SEM1: variants seen among roughly 807,000 people sequenced by gnomAD.
SEM1 encodes the protein SEM1 26S proteasome subunit.
Under a neutral mutation model 12.7 loss-of-function variants are expected in SEM1, and 3 were observed. The observed-to-expected ratio is 0.24, with a 90% confidence interval of 0.11 to 0.61. SEM1 has a LOEUF of 0.61. SEM1 is among the 20% of genes least tolerant of loss of function. The pLI, the probability that SEM1 is intolerant of heterozygous loss-of-function variation, is 0.88. For synonymous variants in SEM1, 30 were observed against 27.8 expected (o/e 1.08, Z -0.25); for missense variants, 59 against 81.3 (o/e 0.73, Z 1.06).
intron 2 of SEM1, among the ~76,000 whole-genome samples, chr7:96,680,692 AG>A (rs1249434663): frequency 6.6e-6 from 1 of 152,134 alleles, no homozygotes; most frequent in African/African-American, 2.4e-5. Context: ...ACAGCTAAAG[AG>A]GAATCAGAAT....
At chr7:96,651,892 C>T (rs1271846525) in intron 2 of SEM1, among the ~76,000 whole-genome samples, 1 of 152,082 alleles carries the variant, frequency 6.6e-6, no homozygotes, top group African/African-American at 2.4e-5. Context: ...TTTTAAGATG[C>T]AAAAACATGG....
intron 2 of SEM1, among the ~76,000 whole-genome samples, chr7:96,657,771 C>T (rs1809226148): frequency 6.6e-6 from 1 of 152,184 alleles, no homozygotes; most frequent in African/African-American, 2.4e-5. Context: ...GTGTGTCTTG[C>T]TAATTGGGGT....
intron 2 of SEM1, among the ~76,000 whole-genome samples, chr7:96,574,210 T>A (rs1412887645): frequency 2.0e-5 from 3 of 152,262 alleles, no homozygotes; most frequent in South Asian, 4.1e-4. Context: ...CTTGTGATAG[T>A]TTGCTGAGAA....
chr7:96,638,747 G>T (rs774925339), intron 2 of SEM1, among the ~76,000 whole-genome samples: 4 of 151,752 alleles, frequency 2.6e-5, no homozygotes, highest in Non-Finnish European at 5.9e-5. Flanking sequence ...TTCAGGAGTG[G>T]ATTCTGAATG....
At chr7:96,573,195 T>C (rs1483006498) in intron 2 of SEM1, among the ~76,000 whole-genome samples, 2 of 152,040 alleles carry the variant, frequency 1.3e-5, no homozygotes, top group African/African-American at 4.8e-5. Flanking sequence ...GCACATGACA[T>C]GTGTCTCCTG....
chr7:96,581,193 A>G (rs1475600169), intron 2 of SEM1, among the ~76,000 whole-genome samples: 5 of 152,222 alleles, frequency 3.3e-5, no homozygotes, highest in African/African-American at 9.6e-5. Flanking sequence ...ACATACAGCT[A>G]GCCAGTTTTC....
At chr7:96,588,137 G>A (rs116780424) in intron 2 of SEM1, among the ~76,000 whole-genome samples, 6,304 of 152,178 alleles carry the variant, frequency 0.041, 340 homozygotes, top group Admixed American at 0.14. Flanking sequence ...TGGAGGCCGA[G>A]GTGGAAGGAT....
At chr7:96,645,723 C>A (rs1337031552) in intron 2 of SEM1, 4 of 397,882 alleles carry the variant, frequency 1.0e-5, no homozygotes, top group African/African-American at 2.1e-5. Context: ...AGAGGGAGTA[C>A]CTTCTCAGCT....
At chr7:96,607,381 C>G (rs904072929) in intron 2 of SEM1, among the ~76,000 whole-genome samples, 1 of 152,056 alleles carries the variant, frequency 6.6e-6, no homozygotes, top group Admixed American at 6.6e-5. Flanking sequence ...GAACCACTTT[C>G]CTGTGTTTTA....
At chr7:96,499,480 G>A (rs562860847), upstream of SEM1, among the ~76,000 whole-genome samples, 2 of 152,258 alleles carry the variant, frequency 1.3e-5, no homozygotes, top group South Asian at 2.1e-4. Flanking sequence ...GACTCACAGC[G>A]GGCAGGAGGG....
intron 2 of SEM1, among the ~76,000 whole-genome samples, chr7:96,597,334 TATATGGA>T (rs1807032250): frequency 6.6e-6 from 1 of 152,134 alleles, no homozygotes; most frequent in Non-Finnish European, 1.5e-5. Context: ...TAAAGAGATT[TATATGGA>T]ACTTGGAAGA....
chr7:96,567,288 T>C (rs1396678865), intron 2 of SEM1, among the ~76,000 whole-genome samples: 1 of 151,526 alleles, frequency 6.6e-6, no homozygotes, highest in Non-Finnish European at 1.5e-5. Flanking sequence ...ATTTCTTAAA[T>C]TTACTCGTAT....
At chr7:96,579,943 C>A (rs753246310) in intron 2 of SEM1, among the ~76,000 whole-genome samples, 2 of 84,842 alleles carry the variant, frequency 2.4e-5, no homozygotes, top group Non-Finnish European at 5.7e-5. Flanking sequence ...AAACCTATTT[C>A]CTCACCTTTC....
exon 4 of SEM1, chr7:96,481,810 C>G (rs945836324): frequency 2.6e-5 from 4 of 151,766 alleles, no homozygotes; most frequent in African/African-American, 9.7e-5. Flanking sequence ...ACCTAGTTAC[C>G]AATATAAAGA....
chr7:96,587,368 TCTTC>T (rs1554420811), intron 2 of SEM1, among the ~76,000 whole-genome samples: 3 of 152,254 alleles, frequency 2.0e-5, no homozygotes, highest in Non-Finnish European at 4.4e-5. Flanking sequence ...GCTTCTGTTC[TCTTC>T]CTTGGAGCAG....
chr7:96,585,236 T>G (rs1485160405), intron 2 of SEM1, among the ~76,000 whole-genome samples: 1 of 152,134 alleles, frequency 6.6e-6, no homozygotes, highest in Admixed American at 6.5e-5. Flanking sequence ...CCGTGTGAGG[T>G]GTCAGTCTGC....
intron 2 of SEM1, among the ~76,000 whole-genome samples, chr7:96,532,687 T>C (rs1259028956): frequency 6.6e-6 from 1 of 152,134 alleles, no homozygotes; most frequent in African/African-American, 2.4e-5. Flanking sequence ...ATGAGTTAAC[T>C]GACAGAATTT....
intron 2 of SEM1, among the ~76,000 whole-genome samples, chr7:96,629,538 T>C (rs796505811): frequency 2.0e-5 from 3 of 152,112 alleles, no homozygotes; most frequent in African/African-American, 7.2e-5. Context: ...AATTCCTTCT[T>C]TGTGTTATCT....
chr7:96,703,714 T>C (rs1790345159), intron 1 of SEM1, among the ~76,000 whole-genome samples: 1 of 151,744 alleles, frequency 6.6e-6, no homozygotes, highest in Non-Finnish European at 1.5e-5. Context: ...CTGGGAAGAC[T>C]GATGGGAAGA....
Sources: gnomAD v4.1 joint callset for allele counts (sites outside exome capture counted in the v4.1 genomes callset) on GRCh38, gnomAD v4.1.1 for gene constraint, MANE v1.5 for transcripts, NCBI Gene and HGNC (gene_info 2026-07-23, HGNC 2026-07-21) for gene names.